Variants in SOX5 observed in about 807,000 individuals in gnomAD.
The protein encoded by SOX5 is transcription factor SOX-5.
A neutral mutation model predicts 92.0 loss-of-function variants in SOX5; 9 were observed. The observed-to-expected ratio is 0.10, with a 90% CI of 0.06 to 0.17. The LOEUF is 0.17. SOX5 is among the 10% of genes least tolerant of loss of function. The pLI is 1.00. For synonymous variants in SOX5, 344 were observed against 336.3 expected, an observed-to-expected ratio of 1.02 and a Z score of -0.25; for missense variants, 642 against 944.5, an observed-to-expected ratio of 0.68 and a Z score of 4.20.
chr12:24,128,480 C>T (rs760519086), intron 4 of SOX5, among the ~76,000 whole-genome samples: 5 of 152,114 alleles, frequency 3.3e-5, no homozygotes, highest in East Asian at 1.9e-4. Context: ...AAAGAGTGAG[C>T]GACAATTTAG....
In SOX5 at chr12:23,789,981, T is replaced by C. The variant is rs75834437; in HGVS notation, c.482-34257A>G. ...CTTAGAATAATTTGTATGGTAAATA[T>C]CACAGAATGCTTTTTATAAGCACTA... On this transcript the variant is annotated intron_variant, in intron 3 of 14. Coordinates refer to ENST00000451604, the MANE Select transcript of SOX5 (RefSeq NM_006940.6). Among the ~76,000 whole-genome samples, 1,309 of 152,226 alleles carry C rather than the reference T, an allele frequency of 8.6e-3. 18 individuals carry two copies. The highest frequency in any genetic ancestry group is 0.03 in the African/African-American group (1,261 of 41,536).
rs386375924 is a variant in SOX5 at position 24,506,784 on chromosome 12, C to CTTTTTTTTTTTTTTTTTTTTTTTTT, written c.-251+55544_-251+55545insAAAAAAAAAAAAAAAAAAAAAAAAA. On this transcript the variant is annotated intron_variant, in intron 1 of 4. Coordinates refer to the SOX5 transcript ENST00000446891. ...CTGTATTTCATGGTATCCAAATGGT[C>CTTTTTTTTTTTTTTTTTTTTTTTTT]TTTTTTTTTTTTTTTTTTTTTTGGA... Among the ~76,000 whole-genome samples the CTTTTTTTTTTTTTTTTTTTTTTTTT allele has an allele frequency of 6.1e-4, 50 of 81,764 alleles. 5 individuals are homozygous for CTTTTTTTTTTTTTTTTTTTTTTTTT. The highest frequency in any genetic ancestry group is 9.1e-4 in the Non-Finnish European group (41 of 45,150). The allele number at this position is 81,764 out of a possible 152,430, so 53.6% of individuals were successfully genotyped here. A position where few individuals can be genotyped will look rare whatever the true frequency, so the allele number is the denominator to read the frequency against.
intron 3 of SOX5, among the ~76,000 whole-genome samples, chr12:23,798,824 T>C (rs1006246566): frequency 3.9e-5 from 6 of 152,026 alleles, no homozygotes; most frequent in Admixed American, 1.3e-4. Context: ...TTGAGACTCA[T>C]ATTAGAAACA....
At chr12:23,992,010 C>T (rs1216906038) in intron 4 of SOX5, among the ~76,000 whole-genome samples, 3 of 152,090 alleles carry the variant, frequency 2.0e-5, no homozygotes, top group Non-Finnish European at 4.4e-5. Flanking sequence ...TCTGTACCCT[C>T]ATACATCTTT....
intron 1 of SOX5, among the ~76,000 whole-genome samples, chr12:23,942,066 A>G (rs1294087562): frequency 6.6e-6 from 1 of 151,788 alleles, no homozygotes; most frequent in Non-Finnish European, 1.5e-5. Context: ...AGGCAAACAA[A>G]TAATACTTTA....
chr12:23,762,342 G>C, intron 3 of SOX5: 1 of 331,724 alleles, frequency 3.0e-6, no homozygotes, highest in Admixed American at 4.9e-5. Flanking sequence ...AGGCTGTAGC[G>C]TACTTTGTTT....
intron 1 of SOX5, among the ~76,000 whole-genome samples, chr12:23,936,952 A>G (rs776038996): frequency 1.3e-5 from 2 of 150,926 alleles, no homozygotes; most frequent in Admixed American, 6.6e-5. Context: ...ATGATATGTG[A>G]GTAGTAGCTA....
chr12:24,477,259 G>A (rs1417556885), intron 1 of SOX5, among the ~76,000 whole-genome samples: 2 of 151,634 alleles, frequency 1.3e-5, no homozygotes, highest in Admixed American at 6.6e-5. Flanking sequence ...TCAGCCTCTC[G>A]AATAGCTGGG....
At chr12:23,996,339 T>C (rs554947322) in intron 4 of SOX5, among the ~76,000 whole-genome samples, 1 of 152,254 alleles carries the variant, frequency 6.6e-6, no homozygotes, top group East Asian at 1.9e-4. Flanking sequence ...AATATGGAAA[T>C]TTCATGTTGG....
At chr12:24,373,929 T>A (rs1956989257) in intron 1 of SOX5, among the ~76,000 whole-genome samples, 2 of 152,124 alleles carry the variant, frequency 1.3e-5, no homozygotes, top group South Asian at 4.1e-4. Flanking sequence ...CGGCTTTGAG[T>A]TTCAGAGCTA....
chr12:24,253,520 G>T (rs548512308), intron 3 of SOX5, among the ~76,000 whole-genome samples: 1 of 151,992 alleles, frequency 6.6e-6, no homozygotes, highest in Non-Finnish European at 1.5e-5. Context: ...AGATGGAAAC[G>T]GCAAAACAAA....
At chr12:24,488,074 T>C (rs1946698416) in intron 1 of SOX5, among the ~76,000 whole-genome samples, 1 of 152,174 alleles carries the variant, frequency 6.6e-6, no homozygotes, top group African/African-American at 2.4e-5. Context: ...TTTCATTTGT[T>C]AAACTGTCAA....
chr12:24,241,914 A>G (rs1314353105), intron 3 of SOX5, among the ~76,000 whole-genome samples: 3 of 152,332 alleles, frequency 2.0e-5, no homozygotes, highest in East Asian at 1.9e-4. Context: ...TACTGTCTAC[A>G]GTTTTAATTT....
intron 4 of SOX5, among the ~76,000 whole-genome samples, chr12:24,182,302 A>C (rs1955579286): frequency 6.6e-6 from 1 of 152,204 alleles, no homozygotes. Context: ...CTCTAAGCCA[A>C]GGGGGCCCAT....
intron 1 of SOX5, among the ~76,000 whole-genome samples, chr12:23,922,074 T>A (rs902151730): frequency 3.3e-5 from 5 of 152,152 alleles, no homozygotes; most frequent in East Asian, 1.9e-4. Context: ...ACTCCCCCCC[T>A]GGGCTCCCAC....
chr12:24,461,760 T>C (rs1204995092), intron 1 of SOX5, among the ~76,000 whole-genome samples: 1 of 152,216 alleles, frequency 6.6e-6, no homozygotes, highest in Non-Finnish European at 1.5e-5. Flanking sequence ...AACCTGTTGT[T>C]TTTTGAGACA....
At chr12:24,523,276 GATTAGAAGA>G (rs1193098770) in intron 1 of SOX5, among the ~76,000 whole-genome samples, 3 of 152,164 alleles carry the variant, frequency 2.0e-5, no homozygotes, top group Admixed American at 6.5e-5. Context: ...CATGTTCATG[GATTAGAAGA>G]ACTAATATTG....
intron 3 of SOX5, among the ~76,000 whole-genome samples, chr12:23,808,804 C>A (rs12372420): frequency 6.6e-6 from 1 of 151,984 alleles, no homozygotes; most frequent in Non-Finnish European, 1.5e-5. Context: ...ACAGTAATGT[C>A]ATATGTTCTT....
At chr12:23,979,122 T>A (rs554407354) in intron 4 of SOX5, among the ~76,000 whole-genome samples, 5 of 152,308 alleles carry the variant, frequency 3.3e-5, no homozygotes, top group East Asian at 3.9e-4. Flanking sequence ...AATTTTTTTT[T>A]AATTAATTAT....
Sources: gnomAD v4.1 joint callset for allele counts (sites outside exome capture counted in the v4.1 genomes callset) on GRCh38, gnomAD v4.1.1 for gene constraint, MANE v1.5 for transcripts, NCBI Gene and HGNC (gene_info 2026-07-23, HGNC 2026-07-21) for gene names.